The following IGF2BP3 variants were observed in gnomAD, a reference collection of about 807,000 sequenced individuals.
IGF2BP3 encodes insulin like growth factor 2 mRNA binding protein 3.
Under a neutral mutation model 73.8 loss-of-function variants are expected in IGF2BP3, and 9 were observed. The observed-to-expected ratio is 0.12, with a 90% CI of 0.07 to 0.21. IGF2BP3 has a LOEUF of 0.21. IGF2BP3 is among the 10% of genes least tolerant of loss of function. The probability of loss-of-function intolerance (pLI) is 1.00; values close to 1 mark genes in which losing one functional copy is unlikely to be tolerated. For synonymous variants in IGF2BP3, 258 were observed against 256.7 expected (o/e 1.01, Z -0.05); for missense variants, 542 against 714.0 (o/e 0.76, Z 2.75).
intron 3 of IGF2BP3, chr7:23,415,002 C>T: frequency 5.1e-6 from 1 of 194,370 alleles, no homozygotes; most frequent in South Asian, 7.0e-5. Flanking sequence ...AGGTCCCGTC[C>T]TTCAGTTGGT....
intron 2 of IGF2BP3, among the ~76,000 whole-genome samples, chr7:23,458,831 C>G (rs1415841878): frequency 6.6e-6 from 1 of 152,192 alleles, no homozygotes; most frequent in African/African-American, 2.4e-5. Context: ...AACAGGATTT[C>G]TGTACTTAGA....
intron 3 of IGF2BP3, among the ~76,000 whole-genome samples, chr7:23,390,391 G>T (rs1354601720): frequency 6.6e-6 from 1 of 152,028 alleles, no homozygotes; most frequent in African/African-American, 2.4e-5. Context: ...AAAAAAATCA[G>T]TTTGAAGCCA....
chr7:23,346,294 G>C lies in IGF2BP3; in HGVS notation c.819-232C>G, dbSNP rs1784826322. The C allele has an allele frequency of 1.6e-5, 7 of 431,608 alleles. No homozygotes were observed. The East Asian group carries it at 3.0e-4, about 18-fold the overall frequency. 26.7% of individuals were successfully genotyped at this position (431,608 alleles called of 1,614,324 possible). ...ATAGTTCTTATTTTATTCACTTCAG[G>C]AAATATCTTCAGTGATGGAGTCTCT... On this transcript the variant is annotated intron_variant, in intron 7 of 14. Coordinates refer to ENST00000258729, the MANE Select transcript of IGF2BP3 (RefSeq NM_006547.3).
chr7:23,408,090 A>G (rs1346946997), intron 3 of IGF2BP3, among the ~76,000 whole-genome samples: 4 of 152,150 alleles, frequency 2.6e-5, no homozygotes, highest in African/African-American at 9.7e-5. Flanking sequence ...AACTAGAAAC[A>G]GAAGGCAATG....
intron 3 of IGF2BP3, among the ~76,000 whole-genome samples, chr7:23,369,852 A>C (rs1287222008): frequency 6.6e-6 from 1 of 152,094 alleles, no homozygotes; most frequent in Non-Finnish European, 1.5e-5. Context: ...CGTGAGGTAG[A>C]TAATTTATGT....
At chr7:23,445,086 A>G (rs780534673) in intron 2 of IGF2BP3, among the ~76,000 whole-genome samples, 10 of 152,190 alleles carry the variant, frequency 6.6e-5, no homozygotes, top group Non-Finnish European at 1.2e-4. Flanking sequence ...AAAACAAAAC[A>G]GTAAGGTATG....
At chr7:23,362,349 A>G (rs1583936229) in intron 3 of IGF2BP3, among the ~76,000 whole-genome samples, 1 of 152,260 alleles carries the variant, frequency 6.6e-6, no homozygotes, top group South Asian at 2.1e-4. Flanking sequence ...TGGTTCTTAC[A>G]AAACAGATTG....
rs1788678672 is a variant in IGF2BP3, at chr7:23,470,037, G to C, written c.74C>G (p.Ala25Gly). 6.2e-7 allele frequency: 1 copy of C among 1,612,358 alleles called. No homozygotes were observed. Among genetic ancestry groups the C allele is most frequent in the African/African-American group, 1.3e-5 (1 of 74,898 alleles). The part of the protein sequence containing the change: ...PSDLESIFKD[A>G]KIPVSGPFLV... ...GAAGGGTCCCGACACCGGGATCTTG[G>C]CGTCCTTGAAGATACTTTCTAGGTC... The change falls in exon 1 of 15, where the codon GCC (alanine) becomes GGC (glycine). Residue 25 changes from alanine (A) to glycine (G), a missense_variant. Ala to Gly is a moderately conservative substitution (Grantham distance 60). Coordinates refer to ENST00000258729, the MANE Select transcript of IGF2BP3 (RefSeq NM_006547.3).
intron 2 of IGF2BP3, among the ~76,000 whole-genome samples, chr7:23,459,487 A>G (rs751475989): frequency 6.6e-6 from 1 of 152,178 alleles, no homozygotes; most frequent in Non-Finnish European, 1.5e-5. Flanking sequence ...GTTTTGGCCA[A>G]CAGTTTCAAC....
At chr7:23,368,883 G>A (rs1347584798) in intron 3 of IGF2BP3, among the ~76,000 whole-genome samples, 2 of 148,630 alleles carry the variant, frequency 1.3e-5, no homozygotes, top group Non-Finnish European at 3.0e-5. Context: ...GGCCACGAGA[G>A]CAAAACTTTG....
At chr7:23,439,137 G>A (rs1206171363) in intron 2 of IGF2BP3, among the ~76,000 whole-genome samples, 2 of 152,068 alleles carry the variant, frequency 1.3e-5, no homozygotes, top group Non-Finnish European at 1.5e-5. Flanking sequence ...CTAGCTACTC[G>A]AAGGCTGAGG....
rs940640798 is a variant in IGF2BP3 at position 23,403,458 on chromosome 7, A to G, written c.285+15318T>C. Among the ~76,000 whole-genome samples, 51 of 152,210 alleles carry G rather than the reference A, an allele frequency of 3.4e-4. 1 individual carries two copies. Among genetic ancestry groups the G allele is most frequent in the African/African-American group, 1.2e-3 (50 of 41,454 alleles). On this transcript the variant is annotated intron_variant, in intron 3 of 14. Transcript: ENST00000258729. Reference sequence around the variant, plus strand: ...AAATTATAGATATATATAAGTGGCTATATTTTCTGTGAATTTCACTTCAGG... The same window carrying G: ...AAATTATAGATATATATAAGTGGCTGTATTTTCTGTGAATTTCACTTCAGG...
In IGF2BP3 at chr7:23,469,280, G is replaced by C. The variant is rs1444338111; in HGVS notation, c.175+656C>G. The C allele has an allele frequency of 1.3e-5, 2 of 152,236 alleles. No homozygotes were observed. The highest frequency in any genetic ancestry group is 1.5e-5 in the Non-Finnish European group (1 of 68,120). 9.4% of individuals were successfully genotyped at this position (152,236 alleles called of 1,614,324 possible). ...GCCAGGGCCCGGAGAGCGGCGGGCG[G>C]CCGGTGCGTGGCGGCGACTCCCTTC... On this transcript the variant is annotated intron_variant, in intron 1 of 14. Coordinates refer to ENST00000258729, the MANE Select transcript of IGF2BP3 (RefSeq NM_006547.3). This position sits in a 1 kb window ranked among gnomAD's most constrained non-coding sequence, Gnocchi z 6.1.
At chr7:23,439,804 C>T (rs1787890171) in intron 2 of IGF2BP3, among the ~76,000 whole-genome samples, 1 of 152,108 alleles carries the variant, frequency 6.6e-6, no homozygotes, top group Non-Finnish European at 1.5e-5. Context: ...TGGGTGGGAG[C>T]ACCAAGCACC....
chr7:23,342,388 G>A (rs1445386399), intron 9 of IGF2BP3, among the ~76,000 whole-genome samples, 199 bp from the exon 10 acceptor site: 1 of 152,138 alleles, frequency 6.6e-6, no homozygotes, highest in Non-Finnish European at 1.5e-5. Context: ...AAATCTGTGT[G>A]CTGGTTTGCC....
rs566043584 is a variant in IGF2BP3 at position 23,446,228 on chromosome 7, C to T, written c.236+22254G>A. 7.2e-5 allele frequency among the ~76,000 whole-genome samples: 11 copies of T among 152,148 alleles called. No individual in the cohort carries two copies. The East Asian group carries it at 2.1e-3, about 29-fold the overall frequency. ...TCCATGAGTCTAATATTAATATAAA[C>T]AAAGTAAATTGGGGAAAGTAAAGTT... On this transcript the variant is annotated intron_variant, in intron 2 of 14. Transcript: ENST00000258729.
chr7:23,425,996 TA>T (rs1456298272), intron 2 of IGF2BP3, among the ~76,000 whole-genome samples: 1 of 150,680 alleles, frequency 6.6e-6, no homozygotes, highest in Non-Finnish European at 1.5e-5. Context: ...CCCTGACTTT[TA>T]AAAAGTAGAC....
At chr7:23,466,777 G>C (rs989248282) in intron 2 of IGF2BP3, among the ~76,000 whole-genome samples, 3 of 152,218 alleles carry the variant, frequency 2.0e-5, no homozygotes, top group African/African-American at 4.8e-5. Flanking sequence ...AAAAGCAGCA[G>C]GGGAAGGCAC....
At chr7:23,407,519 G>T (rs928690137) in intron 3 of IGF2BP3, among the ~76,000 whole-genome samples, 1 of 149,514 alleles carries the variant, frequency 6.7e-6, no homozygotes, top group Non-Finnish European at 1.5e-5. Context: ...CGAGGCAGGA[G>T]AATCACTTGA....
Sources: allele counts gnomAD v4.1 joint callset (sites outside exome capture counted in the v4.1 genomes callset), GRCh38; gene constraint gnomAD v4.1.1; non-coding constraint Gnocchi (gnomAD v3.1); transcripts MANE v1.5; gene names NCBI Gene and HGNC (gene_info 2026-07-23, HGNC 2026-07-21).